CCDC85A: variants seen among roughly 807,000 people sequenced by gnomAD.
The protein encoded by CCDC85A is coiled-coil domain-containing protein 85A.
CCDC85A carries 38 observed loss-of-function variants against 50.2 expected under a neutral mutation model. That is an observed-to-expected ratio of 0.76 (90% confidence interval 0.58 to 0.99). The LOEUF is 0.99. Among genes scored for constraint, CCDC85A ranks in the 50% least tolerant of loss-of-function variants. The probability of loss-of-function intolerance (pLI) is 0.00; values close to 1 mark genes in which losing one functional copy is unlikely to be tolerated. For synonymous variants in CCDC85A, 366 were observed against 301.4 expected, an observed-to-expected ratio of 1.21 and a Z score of -2.22; for missense variants, 820 against 742.0, an observed-to-expected ratio of 1.11 and a Z score of -1.22.
chr2:56,268,085 T>C (rs147007711), intron 2 of CCDC85A, among the ~76,000 whole-genome samples: 74 of 152,346 alleles, frequency 4.9e-4, no homozygotes, highest in African/African-American at 1.6e-3. Context: ...TTAATACTTC[T>C]CAGGTTAATG....
chr2:56,351,741 T>A (rs1435997840), intron 3 of CCDC85A, among the ~76,000 whole-genome samples: 1 of 150,824 alleles, frequency 6.6e-6, no homozygotes, highest in East Asian at 1.9e-4. Context: ...CATTGTAGAT[T>A]CTGGATATTA....
intron 2 of CCDC85A, among the ~76,000 whole-genome samples, chr2:56,339,869 C>T (rs1168246561): frequency 6.6e-6 from 1 of 152,040 alleles, no homozygotes; most frequent in East Asian, 1.9e-4. Context: ...CTCATGAAAT[C>T]AATAACTTTG....
At chr2:56,350,403 T>C (rs1266083406) in intron 3 of CCDC85A, among the ~76,000 whole-genome samples, 10 of 152,168 alleles carry the variant, frequency 6.6e-5, no homozygotes, top group Admixed American at 3.9e-4. Context: ...AAACCCCATC[T>C]CTACTAAAAA....
chr2:56,201,889 C>T (rs575124663), intron 2 of CCDC85A, among the ~76,000 whole-genome samples: 3 of 152,060 alleles, frequency 2.0e-5, no homozygotes, highest in Non-Finnish European at 4.4e-5. Flanking sequence ...ACTCAACCCG[C>T]CCATGTTCTG....
intron 2 of CCDC85A, among the ~76,000 whole-genome samples, chr2:56,269,940 G>A (rs750020029): frequency 1.3e-5 from 2 of 152,154 alleles, no homozygotes; most frequent in East Asian, 1.9e-4. Flanking sequence ...CATAGCTGTC[G>A]GTTGTTCTGC....
At chr2:56,228,928 G>A (rs1668662113) in intron 2 of CCDC85A, among the ~76,000 whole-genome samples, 1 of 152,036 alleles carries the variant, frequency 6.6e-6, no homozygotes, top group African/African-American at 2.4e-5. Flanking sequence ...CCATTTATTG[G>A]ACAATAATAC....
intron 2 of CCDC85A, among the ~76,000 whole-genome samples, chr2:56,194,942 G>C (rs1676466798): frequency 6.8e-6 from 1 of 147,424 alleles, no homozygotes. Context: ...AAGAAAGTTT[G>C]GTTGTGTTAC....
rs1450639196 is a variant in CCDC85A, at chr2:56,375,946, G to A, written c.1572+11G>A. The stretch of plus-strand genomic sequence containing the variant: ...GTACATTCTCTTAAGGTAACCAATC[G>A]TGTGCAACCATTTATCCAGAGCTTC... On this transcript the variant is annotated intron_variant, in intron 5 of 5. Coordinates refer to ENST00000407595, the MANE Select transcript of CCDC85A (RefSeq NM_001080433.2). 5 of 1,610,374 alleles carry A rather than the reference G, an allele frequency of 3.1e-6. No homozygotes were observed. Among genetic ancestry groups the A allele is most frequent in the Admixed American group, 3.4e-5 (2 of 59,662 alleles).
chr2:56,336,355 T>C (rs1256803898), intron 2 of CCDC85A, among the ~76,000 whole-genome samples: 1 of 152,080 alleles, frequency 6.6e-6, no homozygotes, highest in Non-Finnish European at 1.5e-5. Context: ...GGTTTCACCA[T>C]ATTGTCAAGG....
intron 2 of CCDC85A, among the ~76,000 whole-genome samples, chr2:56,310,472 C>G (rs773047162): frequency 6.6e-6 from 1 of 152,078 alleles, no homozygotes; most frequent in Non-Finnish European, 1.5e-5. Context: ...TCTTTTTAGA[C>G]AAAATGGCTT....
chr2:56,363,074 T>C (rs1675618013), intron 3 of CCDC85A, among the ~76,000 whole-genome samples: 1 of 152,138 alleles, frequency 6.6e-6, no homozygotes. Context: ...AGTGTATATA[T>C]AGTTTGAATA....
At position 56,330,175 on chromosome 2, in the gene CCDC85A, T is replaced by A. The variant is rs1673712370; in HGVS notation, c.1241-12704T>A. On this transcript the variant is annotated intron_variant, in intron 2 of 5. Coordinates refer to ENST00000407595, the MANE Select transcript of CCDC85A (RefSeq NM_001080433.2). ...ACATAACAGTGGAAAGTAAGACACA[T>A]TTTAACCCTGAATAGCTGTTATAAT... Among the ~76,000 whole-genome samples the A allele has an allele frequency of 3.9e-5, 6 of 152,156 alleles. No individual in the cohort carries two copies. The South Asian group carries it at 1.2e-3, about 32-fold the overall frequency.
At chr2:56,369,020 C>T (rs1311569737) in intron 3 of CCDC85A, among the ~76,000 whole-genome samples, 1 of 151,918 alleles carries the variant, frequency 6.6e-6, no homozygotes, top group Admixed American at 6.6e-5. Context: ...AGGTAATTTT[C>T]CCTACTGCAG....
intron 2 of CCDC85A, among the ~76,000 whole-genome samples, chr2:56,213,697 A>G (rs1677273813): frequency 6.6e-6 from 1 of 151,944 alleles, no homozygotes; most frequent in South Asian, 2.1e-4. Flanking sequence ...TCGAACAGAG[A>G]CTAATGAACT....
At chr2:56,213,879 G>A (rs1349149470) in intron 2 of CCDC85A, among the ~76,000 whole-genome samples, 1 of 151,906 alleles carries the variant, frequency 6.6e-6, no homozygotes, top group Non-Finnish European at 1.5e-5. Context: ...ATTATAGGTG[G>A]CACAGTTTTG....
At chr2:56,201,663 G>C (rs1391324717) in intron 2 of CCDC85A, among the ~76,000 whole-genome samples, 1 of 151,962 alleles carries the variant, frequency 6.6e-6, no homozygotes, top group Non-Finnish European at 1.5e-5. Flanking sequence ...TTACCAGTAA[G>C]AAAGAAACCC....
At chr2:56,367,900 C>T (rs1675881049) in intron 3 of CCDC85A, among the ~76,000 whole-genome samples, 1 of 152,004 alleles carries the variant, frequency 6.6e-6, no homozygotes, top group African/African-American at 2.4e-5. Flanking sequence ...GTGACCGTAC[C>T]ATTTTACCAT....
chr2:56,291,236 T>G (rs1190301349), intron 2 of CCDC85A, among the ~76,000 whole-genome samples: 1 of 152,228 alleles, frequency 6.6e-6, no homozygotes, highest in South Asian at 2.1e-4. Flanking sequence ...AAAAGATGCA[T>G]AGATGGATCT....
intron 2 of CCDC85A, among the ~76,000 whole-genome samples, chr2:56,280,645 G>T (rs571238283): frequency 3.9e-5 from 6 of 152,222 alleles, no homozygotes; most frequent in Admixed American, 3.9e-4. Flanking sequence ...ATCCTTAAGA[G>T]TTAGGATCCA....
Sources: gnomAD v4.1 joint callset for allele counts (sites outside exome capture counted in the v4.1 genomes callset) on GRCh38, gnomAD v4.1.1 for gene constraint, MANE v1.5 for transcripts, NCBI Gene and HGNC (gene_info 2026-07-23, HGNC 2026-07-21) for gene names.